Variants in ADAMTSL1 observed in about 807,000 individuals in gnomAD.
ADAMTSL1 encodes ADAMTS-like protein 1.
A neutral mutation model predicts 201.8 loss-of-function variants in ADAMTSL1; 126 were observed. The ratio of observed to expected loss-of-function variants is 0.62; its 90% CI spans 0.54 to 0.72. ADAMTSL1 has a LOEUF of 0.72. Among genes scored for constraint, ADAMTSL1 ranks in the 30% least tolerant of loss-of-function variants. ADAMTSL1 has a pLI of 0.00. For missense variants in ADAMTSL1, 2,679 were observed against 2,277.8 expected (o/e 1.18, Z -3.59); for synonymous variants, 1,121 against 903.4 (o/e 1.24, Z -4.32).
At chr9:18,559,850 A>G (rs1477602729) in intron 3 of ADAMTSL1, among the ~76,000 whole-genome samples, 1 of 152,128 alleles carries the variant, frequency 6.6e-6, no homozygotes, top group African/African-American at 2.4e-5. Context: ...ATTTTTGTAC[A>G]TTGATTTTGT....
At chr9:18,620,908 A>AGAG (rs1378241018) in intron 4 of ADAMTSL1, among the ~76,000 whole-genome samples, 37 of 152,366 alleles carry the variant, frequency 2.4e-4, no homozygotes, top group African/African-American at 7.9e-4. Context: ...TTTTAAAAAT[A>AGAG]GAGTACATAT....
At chr9:18,564,836 A>G (rs1299263657) in intron 3 of ADAMTSL1, among the ~76,000 whole-genome samples, 1 of 152,160 alleles carries the variant, frequency 6.6e-6, no homozygotes, top group Non-Finnish European at 1.5e-5. Context: ...AAGGGACTAA[A>G]AATAATAAAA....
chr9:18,582,246 C>CTAGTAATGTTAAAAAAAAATG (rs1554709487), intron 4 of ADAMTSL1, among the ~76,000 whole-genome samples: 2 of 152,120 alleles, frequency 1.3e-5, no homozygotes, highest in Non-Finnish European at 2.9e-5. Context: ...AATGCTAGTA[C>CTAGTAATGTTAAAAAAAAATG]CTTTTTGTTT....
At chr9:18,891,783 A>G (rs911061963) in intron 25 of ADAMTSL1, among the ~76,000 whole-genome samples, 2 of 152,260 alleles carry the variant, frequency 1.3e-5, no homozygotes, top group Non-Finnish European at 2.9e-5. Flanking sequence ...TTTCCAGGTC[A>G]GGAGGTGACA....
At chr9:18,691,572 T>C (rs182816201) in intron 13 of ADAMTSL1, among the ~76,000 whole-genome samples, 272 of 152,170 alleles carry the variant, frequency 1.8e-3, no homozygotes, top group Non-Finnish European at 2.2e-3. Context: ...ACTGGGTGAG[T>C]TGGTGAGGGG....
chr9:18,603,388 ATGC>A (rs1564082567), intron 4 of ADAMTSL1, among the ~76,000 whole-genome samples: 16 of 151,844 alleles, frequency 1.1e-4, no homozygotes, highest in African/African-American at 3.9e-4. Flanking sequence ...ATGCTATGCT[ATGC>A]TATGCTATGC....
At chr9:18,248,377 A>G (rs893782079) in intron 2 of ADAMTSL1, among the ~76,000 whole-genome samples, 1 of 152,152 alleles carries the variant, frequency 6.6e-6, no homozygotes. Flanking sequence ...TTGCTATTCC[A>G]GACTGCTGCA....
At chr9:18,886,225 TATAC>T (rs1189057476) in intron 23 of ADAMTSL1, among the ~76,000 whole-genome samples, 22 of 135,794 alleles carry the variant, frequency 1.6e-4, no homozygotes, top group Non-Finnish European at 2.7e-4. Flanking sequence ...CACACATACA[TATAC>T]ATACATACAA....
intron 1 of ADAMTSL1, among the ~76,000 whole-genome samples, chr9:18,144,133 T>A (rs1040677058): frequency 1.3e-5 from 2 of 152,186 alleles, no homozygotes; most frequent in African/African-American, 4.8e-5. Flanking sequence ...ATTTTGAAAG[T>A]GATGTTTCTA....
intron 2 of ADAMTSL1, among the ~76,000 whole-genome samples, chr9:18,467,923 G>A (rs919812646): frequency 6.6e-6 from 1 of 152,106 alleles, no homozygotes; most frequent in Non-Finnish European, 1.5e-5. Flanking sequence ...TTATTGTCTG[G>A]CTCTGGTATA....
At chr9:18,071,132 T>G (rs983187407) in intron 1 of ADAMTSL1, among the ~76,000 whole-genome samples, 3 of 152,156 alleles carry the variant, frequency 2.0e-5, no homozygotes, top group Admixed American at 6.5e-5. Context: ...GGTTTAAGTT[T>G]TGAGATGAGC....
chr9:18,014,164 G>A (rs1476693220), intron 1 of ADAMTSL1, among the ~76,000 whole-genome samples: 1 of 151,928 alleles, frequency 6.6e-6, no homozygotes, highest in Non-Finnish European at 1.5e-5. Context: ...CAAAACCTGT[G>A]GCTTTGGGGC....
intron 7 of ADAMTSL1, among the ~76,000 whole-genome samples, chr9:18,653,118 T>C (rs1828399983): frequency 6.6e-6 from 1 of 152,234 alleles, no homozygotes; most frequent in South Asian, 2.1e-4. Context: ...CTGCATTTCT[T>C]GTTAGATTTC....
chr9:18,256,897 C>A (rs1831709951), intron 2 of ADAMTSL1, among the ~76,000 whole-genome samples: 1 of 152,100 alleles, frequency 6.6e-6, no homozygotes, highest in Non-Finnish European at 1.5e-5. Context: ...AGTTTTAAAC[C>A]CCCACTGACT....
At chr9:18,754,098 A>G (rs1026164210) in intron 16 of ADAMTSL1, among the ~76,000 whole-genome samples, 7 of 152,202 alleles carry the variant, frequency 4.6e-5, no homozygotes, top group African/African-American at 1.7e-4. Flanking sequence ...GTGTGTAAAT[A>G]AAGTTTTATT....
intron 2 of ADAMTSL1, among the ~76,000 whole-genome samples, chr9:18,187,941 T>C (rs1024590807): frequency 6.6e-5 from 10 of 152,182 alleles, no homozygotes; most frequent in African/African-American, 2.4e-4. Flanking sequence ...ATTTTTGTGA[T>C]ATCTATTGCT....
intron 1 of ADAMTSL1, among the ~76,000 whole-genome samples, chr9:18,035,742 T>G (rs1821166892): frequency 6.6e-6 from 1 of 152,180 alleles, no homozygotes; most frequent in African/African-American, 2.4e-5. Context: ...TACTAGTATT[T>G]AAGCTCTATG....
chr9:18,139,133 T>C (rs1826286064), intron 1 of ADAMTSL1, among the ~76,000 whole-genome samples: 1 of 152,202 alleles, frequency 6.6e-6, no homozygotes, highest in African/African-American at 2.4e-5. Flanking sequence ...GATTGACTGA[T>C]TGATTCAGCA....
intron 4 of ADAMTSL1, among the ~76,000 whole-genome samples, chr9:18,593,835 G>A (rs142391098): frequency 9.1e-4 from 138 of 151,932 alleles, no homozygotes; most frequent in African/African-American, 3.2e-3. Context: ...TAACATATGG[G>A]CTGTCCTTGA....
Sources: allele counts gnomAD v4.1 joint callset (sites outside exome capture counted in the v4.1 genomes callset), GRCh38; gene constraint gnomAD v4.1.1; transcripts MANE v1.5; gene names NCBI Gene and HGNC (gene_info 2026-07-23, HGNC 2026-07-21).